The following SPTLC3 variants were observed in gnomAD, a reference collection of about 807,000 sequenced individuals.
The protein encoded by SPTLC3 is serine palmitoyltransferase long chain base subunit 3, also known as serine palmitoyltransferase 3.
SPTLC3 carries 36 observed loss-of-function variants against 59.3 expected under a neutral mutation model. The ratio of observed to expected loss-of-function variants is 0.61; its 90% CI spans 0.47 to 0.80. SPTLC3 has a LOEUF of 0.80. Ranked by LOEUF, SPTLC3 falls within the 30% of genes least tolerant of loss-of-function variation. The probability of loss-of-function intolerance (pLI) is 0.00; values close to 1 mark genes in which losing one functional copy is unlikely to be tolerated. For synonymous variants in SPTLC3, 257 were observed against 240.8 expected (o/e 1.07, Z -0.62); for missense variants, 625 against 685.1 (o/e 0.91, Z 0.98).
chr20:13,039,334 C>T (rs894979099), intron 1 of SPTLC3, among the ~76,000 whole-genome samples: 11 of 152,006 alleles, frequency 7.2e-5, no homozygotes, highest in African/African-American at 2.7e-4. Flanking sequence ...GTTACATCTT[C>T]CTAATGAATT....
At chr20:13,024,882 T>C (rs1986068449) in intron 1 of SPTLC3, among the ~76,000 whole-genome samples, 2 of 152,216 alleles carry the variant, frequency 1.3e-5, no homozygotes, top group African/African-American at 4.8e-5. Context: ...AGTTCAGTAA[T>C]CTTTACAATT....
At chr20:13,048,179 T>C (rs1183052493) in intron 1 of SPTLC3, among the ~76,000 whole-genome samples, 1 of 147,322 alleles carries the variant, frequency 6.8e-6, no homozygotes, top group Admixed American at 7.0e-5. Context: ...GATTAAAGCA[T>C]AAAGCAAGTT....
At chr20:13,121,469 G>A (rs928791378) in intron 8 of SPTLC3, among the ~76,000 whole-genome samples, 1 of 152,184 alleles carries the variant, frequency 6.6e-6, no homozygotes, top group African/African-American at 2.4e-5. Flanking sequence ...TCTCCTGTCT[G>A]ATTTCCTCCC....
chr20:13,058,221 C>T (rs1436379304), intron 2 of SPTLC3, among the ~76,000 whole-genome samples: 5 of 152,056 alleles, frequency 3.3e-5, no homozygotes, highest in African/African-American at 9.7e-5. Flanking sequence ...TATTTTGCAT[C>T]CACATTTTGC....
At chr20:13,059,348 T>C (rs1180818978) in intron 2 of SPTLC3, among the ~76,000 whole-genome samples, 1 of 152,180 alleles carries the variant, frequency 6.6e-6, no homozygotes, top group Non-Finnish European at 1.5e-5. Flanking sequence ...GCTAGAACTC[T>C]CAGACCCAGC....
At chr20:13,013,801 C>T (rs1384537256) in intron 1 of SPTLC3, among the ~76,000 whole-genome samples, 1 of 152,150 alleles carries the variant, frequency 6.6e-6, no homozygotes, top group African/African-American at 2.4e-5. Context: ...ACAGCCAGTC[C>T]AAAACCCAAT....
intron 1 of SPTLC3, among the ~76,000 whole-genome samples, chr20:13,010,707 G>A (rs904964242): frequency 2.6e-5 from 4 of 152,140 alleles, no homozygotes; most frequent in African/African-American, 4.8e-5. Context: ...TACTCAAGAC[G>A]ATCCTTGCCT....
chr20:13,066,017 T>C lies in SPTLC3; in HGVS notation c.304-6239T>C, dbSNP rs537039265. Among the ~76,000 whole-genome samples the C allele has an allele frequency of 4.6e-5, 7 of 152,384 alleles. No individual in the cohort carries two copies. The East Asian group carries it at 9.6e-4, about 21-fold the overall frequency. On this transcript the variant is annotated intron_variant, in intron 2 of 11. Coordinates refer to ENST00000399002, the MANE Select transcript of SPTLC3 (RefSeq NM_018327.4). Reference sequence around the variant, plus strand: ...CTGTACATTAGGTCTCCACAACTTATGCGTACAACATAATTGAAACGTTGT... The same window carrying C: ...CTGTACATTAGGTCTCCACAACTTACGCGTACAACATAATTGAAACGTTGT...
At chr20:13,061,036 G>A (rs1268129404) in intron 2 of SPTLC3, among the ~76,000 whole-genome samples, 1 of 152,130 alleles carries the variant, frequency 6.6e-6, no homozygotes, top group East Asian at 1.9e-4. Flanking sequence ...TCTCCATACT[G>A]TTTTCCATAG....
intron 1 of SPTLC3, among the ~76,000 whole-genome samples, chr20:13,023,444 T>G (rs1276745830): frequency 6.6e-6 from 1 of 152,178 alleles, no homozygotes; most frequent in African/African-American, 2.4e-5. Flanking sequence ...GACCAGAGCC[T>G]ATATGTAATA....
At chr20:13,146,634 T>C (rs939483735) in intron 9 of SPTLC3, among the ~76,000 whole-genome samples, 1 of 152,202 alleles carries the variant, frequency 6.6e-6, no homozygotes, top group African/African-American at 2.4e-5. Flanking sequence ...TACATCTGTC[T>C]CATGGCACCT....
chr20:13,110,329 A>G, intron 7 of SPTLC3, 112 bp downstream of exon 7: 1 of 877,552 alleles, frequency 1.1e-6, no homozygotes, highest in South Asian at 1.8e-5. Flanking sequence ...AATTGGTTAT[A>G]TGACACAGGG....
intron 2 of SPTLC3, among the ~76,000 whole-genome samples, chr20:13,052,323 G>A (rs978859541): frequency 1.1e-4 from 16 of 152,142 alleles, no homozygotes; most frequent in Non-Finnish European, 2.1e-4. Flanking sequence ...TGTGCCACGA[G>A]GAACAGTGCA....
chr20:13,075,609 G>A (rs1988617527), intron 4 of SPTLC3, among the ~76,000 whole-genome samples: 1 of 152,140 alleles, frequency 6.6e-6, no homozygotes, highest in Non-Finnish European at 1.5e-5. Context: ...ATAAGGGCTG[G>A]AGATGTTAAC....
At chr20:13,030,653 G>C (rs1333888604) in intron 1 of SPTLC3, among the ~76,000 whole-genome samples, 3 of 152,032 alleles carry the variant, frequency 2.0e-5, no homozygotes, top group Admixed American at 2.0e-4. Flanking sequence ...CTAGGAACTG[G>C]GGTACTACTA....
chr20:13,095,968 G>A (rs1278291177), intron 6 of SPTLC3, among the ~76,000 whole-genome samples: 2 of 152,086 alleles, frequency 1.3e-5, no homozygotes, highest in Non-Finnish European at 2.9e-5. Flanking sequence ...CTATCTGAGG[G>A]CTTGGAATCT....
intron 4 of SPTLC3, among the ~76,000 whole-genome samples, chr20:13,088,225 A>C (rs1001959041): frequency 1.3e-5 from 2 of 152,254 alleles, no homozygotes; most frequent in Admixed American, 6.5e-5. Flanking sequence ...TATCTTTGAT[A>C]ATACAAAGTT....
Position 13,038,709 on chromosome 20 carries a change from T to C in SPTLC3, c.118-10236T>C, listed in dbSNP as rs1346622816. ...TTGCTTTAGCTTTAGTTTGTTTTAC[T>C]TTTTCCATGGTCTTAAGATAAGGTG... On this transcript the variant is annotated intron_variant, in intron 1 of 11. Coordinates refer to ENST00000399002, the MANE Select transcript of SPTLC3 (RefSeq NM_018327.4). Among the ~76,000 whole-genome samples the C allele has an allele frequency of 2.0e-5, 3 of 152,144 alleles. No homozygotes were observed. The East Asian group carries it at 5.8e-4, about 29-fold the overall frequency.
chr20:13,121,531 C>A (rs2037866450), intron 8 of SPTLC3, among the ~76,000 whole-genome samples: 1 of 152,184 alleles, frequency 6.6e-6, no homozygotes, highest in African/African-American at 2.4e-5. Flanking sequence ...AGAAAACAAT[C>A]AGGGTTTTGA....
Sources: gnomAD v4.1 joint callset for allele counts (sites outside exome capture counted in the v4.1 genomes callset) on GRCh38, gnomAD v4.1.1 for gene constraint, MANE v1.5 for transcripts, NCBI Gene and HGNC (gene_info 2026-07-23, HGNC 2026-07-21) for gene names.